The following MLLT3 variants were observed in gnomAD, a reference collection of about 807,000 sequenced individuals.
The protein encoded by MLLT3 is protein AF-9.
MLLT3 carries 4 observed loss-of-function variants against 53.2 expected under a neutral mutation model. The ratio of observed to expected loss-of-function variants is 0.08; its 90% CI spans 0.04 to 0.17. The LOEUF (loss-of-function observed/expected upper bound fraction) is 0.17. MLLT3 is among the 10% of genes least tolerant of loss of function. The pLI is 1.00. For missense variants in MLLT3, 569 were observed against 684.0 expected, an observed-to-expected ratio of 0.83 and a Z score of 1.87; for synonymous variants, 283 against 230.6, an observed-to-expected ratio of 1.23 and a Z score of -2.06.
chr9:20,566,580 C>A (rs1376811821), intron 2 of MLLT3, among the ~76,000 whole-genome samples: 1 of 152,072 alleles, frequency 6.6e-6, no homozygotes, highest in East Asian at 1.9e-4. Flanking sequence ...ACAGACTGTG[C>A]ACTCTATAAG....
At chr9:20,466,205 G>T (rs1824234565) in intron 2 of MLLT3, among the ~76,000 whole-genome samples, 1 of 152,024 alleles carries the variant, frequency 6.6e-6, no homozygotes, top group African/African-American at 2.4e-5. Context: ...TATACTTAAG[G>T]TTCAGATTTT....
At chr9:20,456,012 C>A (rs1373287135) in intron 3 of MLLT3, among the ~76,000 whole-genome samples, 1 of 149,716 alleles carries the variant, frequency 6.7e-6, no homozygotes, top group Non-Finnish European at 1.5e-5. Context: ...GATCTCGGCT[C>A]ACTGCCATCT....
At chr9:20,471,641 T>C (rs936668188) in intron 2 of MLLT3, among the ~76,000 whole-genome samples, 1 of 152,076 alleles carries the variant, frequency 6.6e-6, no homozygotes, top group Admixed American at 6.6e-5. Context: ...CATTATTTTA[T>C]GAGAAACTTG....
At chr9:20,471,127 G>A (rs981706086) in intron 2 of MLLT3, among the ~76,000 whole-genome samples, 1 of 151,962 alleles carries the variant, frequency 6.6e-6, no homozygotes, top group East Asian at 1.9e-4. Context: ...TTTACTCAGA[G>A]GTCAGTGAGT....
intron 4 of MLLT3, among the ~76,000 whole-genome samples, chr9:20,438,650 GTCTCAAACTCCTGGCC>G (rs1442391200): frequency 4.0e-5 from 6 of 151,866 alleles, no homozygotes; most frequent in Admixed American, 2.6e-4. Context: ...GCCCAGGTTG[GTCTCAAACTCCTGGCC>G]TCAAGTGATC....
chr9:20,482,787 T>C (rs2118907326), intron 2 of MLLT3, among the ~76,000 whole-genome samples: 1 of 152,324 alleles, frequency 6.6e-6, no homozygotes, highest in African/African-American at 2.4e-5. Context: ...GTATATTTAT[T>C]TCTTAGGTAA....
At chr9:20,514,452 A>G (rs1175542146) in intron 2 of MLLT3, among the ~76,000 whole-genome samples, 1 of 152,156 alleles carries the variant, frequency 6.6e-6, no homozygotes, top group Non-Finnish European at 1.5e-5. Context: ...ACCAGTAGCA[A>G]TGAGACTAAT....
chr9:20,604,208 T>C (rs1820508573), intron 2 of MLLT3, among the ~76,000 whole-genome samples: 2 of 152,064 alleles, frequency 1.3e-5, no homozygotes. Flanking sequence ...TTTGTTGGGA[T>C]TTTTAACATT....
intron 2 of MLLT3, among the ~76,000 whole-genome samples, chr9:20,461,687 T>C (rs774599663): frequency 2.6e-5 from 4 of 152,120 alleles, no homozygotes; most frequent in Non-Finnish European, 4.4e-5. Flanking sequence ...TTTAGAAGTA[T>C]TATTAGGCAA....
intron 2 of MLLT3, among the ~76,000 whole-genome samples, chr9:20,506,891 G>C (rs1362161972): frequency 1.3e-5 from 2 of 152,170 alleles, no homozygotes; most frequent in African/African-American, 4.8e-5. Context: ...AACCTAATTT[G>C]ATTAATTGAA....
chr9:20,427,614 T>C (rs575187929), intron 4 of MLLT3, among the ~76,000 whole-genome samples: 31 of 151,968 alleles, frequency 2.0e-4, no homozygotes, highest in African/African-American at 7.0e-4. Context: ...ATAATATACA[T>C]AAATTAAAAG....
At chr9:20,423,155 G>C (rs566384850) in intron 4 of MLLT3, among the ~76,000 whole-genome samples, 1 of 152,168 alleles carries the variant, frequency 6.6e-6, no homozygotes, top group Non-Finnish European at 1.5e-5. Flanking sequence ...CTCACCCCTT[G>C]CAAGTAGCTG....
intron 8 of MLLT3, among the ~76,000 whole-genome samples, chr9:20,360,455 T>A (rs993247052): frequency 6.6e-6 from 1 of 152,214 alleles, no homozygotes; most frequent in East Asian, 1.9e-4. Context: ...AAGTGTAAAG[T>A]ATATAGAAAT....
intron 2 of MLLT3, among the ~76,000 whole-genome samples, chr9:20,530,249 C>T (rs572957023): frequency 8.5e-5 from 13 of 152,272 alleles, no homozygotes; most frequent in Non-Finnish European, 1.2e-4. Flanking sequence ...AGTCATACAA[C>T]GGTTGGATTT....
rs371572571 is a variant in MLLT3 at position 20,591,690 on chromosome 9, A to G, written c.193+28964T>C. The stretch of plus-strand genomic sequence containing the variant: ...TCACCATTTAGGGAGCATCTTGAAT[A>G]TGAAATATTTCACAGAAAGAATACT... On this transcript the variant is annotated intron_variant, in intron 2 of 10. Coordinates refer to ENST00000380338, the MANE Select transcript of MLLT3 (RefSeq NM_004529.4). Among the ~76,000 whole-genome samples the G allele has an allele frequency of 5.9e-5, 9 of 152,344 alleles. No homozygotes were observed. In the South Asian group the frequency reaches 8.3e-4, roughly 14 times the overall value.
chr9:20,434,573 A>T (rs1823355264), intron 4 of MLLT3, among the ~76,000 whole-genome samples: 1 of 152,186 alleles, frequency 6.6e-6, no homozygotes. Flanking sequence ...CCCATAACAT[A>T]CTGTGCAGAC....
chr9:20,503,694 T>C (rs1264083168), intron 2 of MLLT3, among the ~76,000 whole-genome samples: 1 of 151,760 alleles, frequency 6.6e-6, no homozygotes, highest in Non-Finnish European at 1.5e-5. Flanking sequence ...AACAAAAAAA[T>C]AGATAACTGG....
At chr9:20,488,318 T>C (rs890357130) in intron 2 of MLLT3, among the ~76,000 whole-genome samples, 2 of 152,106 alleles carry the variant, frequency 1.3e-5, no homozygotes, top group African/African-American at 4.8e-5. Flanking sequence ...ATATGCTTAA[T>C]GACACTGAAC....
At chr9:20,549,995 T>C (rs565278273) in intron 2 of MLLT3, among the ~76,000 whole-genome samples, 1 of 152,316 alleles carries the variant, frequency 6.6e-6, no homozygotes, top group Admixed American at 6.5e-5. Context: ...ATCTTGTGGC[T>C]CATCACTCAT....
Sources: gnomAD v4.1 joint callset for allele counts (sites outside exome capture counted in the v4.1 genomes callset) on GRCh38, gnomAD v4.1.1 for gene constraint, MANE v1.5 for transcripts, NCBI Gene and HGNC (gene_info 2026-07-23, HGNC 2026-07-21) for gene names.